TASP1: variants seen among roughly 807,000 people sequenced by gnomAD.
The protein encoded by TASP1 is threonine aspartase 1.
Under a neutral mutation model 56.6 loss-of-function variants are expected in TASP1, and 16 were observed. The observed-to-expected ratio is 0.28, with a 90% CI of 0.19 to 0.43. The LOEUF (loss-of-function observed/expected upper bound fraction) is 0.43. Among genes scored for constraint, TASP1 ranks in the 20% least tolerant of loss-of-function variants. TASP1 has a pLI of 1.00. For synonymous variants in TASP1, 179 were observed against 184.2 expected (o/e 0.97, Z 0.23); for missense variants, 393 against 511.6 (o/e 0.77, Z 2.24).
At chr20:13,435,014 A>T in intron 12 of TASP1, 30 bp downstream of exon 12, 2 of 1,484,416 alleles carry the variant, frequency 1.3e-6, no homozygotes, top group Non-Finnish European at 1.8e-6. Context: ...AAAAATAGAA[A>T]GACACACACA....
the TASP1 span, among the ~76,000 whole-genome samples, chr20:13,289,972 A>G: frequency 6.6e-6 from 1 of 152,198 alleles, no homozygotes; most frequent in African/African-American, 2.4e-5. Context: ...AACCAGAGAC[A>G]TTTGGAACAA....
intron 11 of TASP1, among the ~76,000 whole-genome samples, chr20:13,443,379 G>A (rs564698304): frequency 6.6e-6 from 1 of 152,276 alleles, no homozygotes; most frequent in South Asian, 2.1e-4. Context: ...TCCACAGAGG[G>A]AACTGGGGAC....
the TASP1 span, among the ~76,000 whole-genome samples, chr20:13,198,794 C>T: frequency 1.9e-4 from 1 of 5,182 alleles, no homozygotes; most frequent in African/African-American, 4.7e-4. Flanking sequence ...CTTTCTTTGT[C>T]TTTCTTTCTT....
the TASP1 span, among the ~76,000 whole-genome samples, chr20:13,305,831 AC>A: frequency 1.3e-5 from 2 of 152,198 alleles, no homozygotes; most frequent in Non-Finnish European, 2.9e-5. Flanking sequence ...TTAAATGCAT[AC>A]CTTTTTTCTT....
the TASP1 span, among the ~76,000 whole-genome samples, chr20:13,332,106 T>C: frequency 1.3e-5 from 2 of 152,164 alleles, no homozygotes; most frequent in Non-Finnish European, 2.9e-5. Context: ...CACAAAAAGA[T>C]TTTCCTCCCA....
chr20:13,411,076 T>C (rs956198038), intron 13 of TASP1, among the ~76,000 whole-genome samples: 1 of 152,216 alleles, frequency 6.6e-6, no homozygotes, highest in Non-Finnish European at 1.5e-5. Context: ...CAGCATTTAT[T>C]GAAGAGGGCG....
chr20:13,364,395 T>A, the TASP1 span, among the ~76,000 whole-genome samples: 14 of 152,004 alleles, frequency 9.2e-5, no homozygotes, highest in Non-Finnish European at 1.9e-4. Context: ...TGAATTGCGG[T>A]CAGGAAGGGG....
chr20:13,115,790 T>C, the TASP1 span, among the ~76,000 whole-genome samples: 2 of 152,096 alleles, frequency 1.3e-5, no homozygotes, highest in Admixed American at 1.3e-4. Flanking sequence ...ATGGATCAGG[T>C]AGTTTACAAG....
downstream of TASP1, among the ~76,000 whole-genome samples, chr20:13,387,184 A>ATTTTTT (rs779048448): frequency 1.6e-4 from 11 of 70,692 alleles, 1 homozygote; most frequent in African/African-American, 3.3e-4. Context: ...ACATGATTTC[A>ATTTTTT]TTTTTTTTTT....
the TASP1 span, among the ~76,000 whole-genome samples, chr20:13,333,053 G>A: frequency 1.8e-4 from 28 of 152,298 alleles, 1 homozygote; most frequent in African/African-American, 5.1e-4. Context: ...TGCATGCTCC[G>A]TGGCTCCATC....
chr20:13,566,530 T>C (rs1405286132), intron 7 of TASP1, among the ~76,000 whole-genome samples: 5 of 150,538 alleles, frequency 3.3e-5, no homozygotes, highest in Admixed American at 6.6e-5. Flanking sequence ...CTGGATGTTA[T>C]CTCCAGAGAG....
the TASP1 span, among the ~76,000 whole-genome samples, chr20:13,212,478 T>C: frequency 6.6e-6 from 1 of 152,170 alleles, no homozygotes; most frequent in African/African-American, 2.4e-5. Flanking sequence ...CCATGCCTGA[T>C]ATTACCATCA....
chr20:13,390,168 A>T lies in TASP1; in HGVS notation c.*192T>A, dbSNP rs1375236307. The T allele has an allele frequency of 1.1e-5, 6 of 556,874 alleles. No individual in the cohort carries two copies. Among genetic ancestry groups the T allele is most frequent in the Non-Finnish European group, 2.0e-5 (6 of 307,662 alleles). The allele number at this position is 556,874 out of a possible 1,614,324, so 34.5% of individuals were successfully genotyped here. On this transcript the variant is annotated 3_prime_UTR_variant, in exon 14 of 14. Coordinates refer to ENST00000337743, the MANE Select transcript of TASP1 (RefSeq NM_017714.3). ...CACATACGCGCACACACTCACACAC[A>T]GTCCCGCTCACCCACCAAAGGCCCG... is the stretch of plus-strand genomic sequence containing the variant.
the TASP1 span, chr20:13,154,273 G>A: frequency 8.7e-7 from 1 of 1,155,266 alleles, no homozygotes; most frequent in Non-Finnish European, 1.2e-6. Flanking sequence ...CTTCTCGGAA[G>A]CCACCTGTCA....
chr20:13,545,199 T>C (rs2045763680), intron 8 of TASP1, among the ~76,000 whole-genome samples: 1 of 152,204 alleles, frequency 6.6e-6, no homozygotes, highest in Non-Finnish European at 1.5e-5. Flanking sequence ...CTCTTTATCC[T>C]TTCGTTCCTC....
chr20:13,118,770 T>C, the TASP1 span, among the ~76,000 whole-genome samples: 1 of 152,336 alleles, frequency 6.6e-6, no homozygotes, highest in South Asian at 2.1e-4. Flanking sequence ...AGTTCAGACT[T>C]CTGGTAAACC....
At chr20:13,547,403 G>T (rs1350831428) in intron 8 of TASP1, among the ~76,000 whole-genome samples, 1 of 152,126 alleles carries the variant, frequency 6.6e-6, no homozygotes, top group Non-Finnish European at 1.5e-5. Flanking sequence ...ATCCCATTAA[G>T]GGAAGGAATA....
chr20:13,321,253 T>TAAAAAAAAAAAAA, the TASP1 span, among the ~76,000 whole-genome samples: 43 of 57,510 alleles, frequency 7.5e-4, 2 homozygotes, highest in Admixed American at 6.3e-3. Flanking sequence ...GTGCCCCACA[T>TAAAAAAAAAAAAA]AAAAAAAAAA....
chr20:13,598,730 C>T (rs2047839472), intron 4 of TASP1, among the ~76,000 whole-genome samples: 1 of 152,142 alleles, frequency 6.6e-6, no homozygotes, highest in African/African-American at 2.4e-5. Flanking sequence ...AAGAAACTAC[C>T]ATCAGAGTGA....
Sources: allele counts gnomAD v4.1 joint callset (sites outside exome capture counted in the v4.1 genomes callset), GRCh38; gene constraint gnomAD v4.1.1; transcripts MANE v1.5; gene names NCBI Gene and HGNC (gene_info 2026-07-23, HGNC 2026-07-21).